KIF5C: variants seen among roughly 807,000 people sequenced by gnomAD.
The protein encoded by KIF5C is kinesin heavy chain isoform 5C.
In KIF5C, 18 loss-of-function variants were observed where a neutral mutation model predicts 125.2. The ratio of observed to expected loss-of-function variants is 0.14; its 90% confidence interval spans 0.10 to 0.21. KIF5C has a LOEUF of 0.21. KIF5C is among the 10% of genes least tolerant of loss of function. KIF5C has a pLI of 1.00. For synonymous variants in KIF5C, 405 were observed against 434.0 expected, an observed-to-expected ratio of 0.93 and a Z score of 0.83; for missense variants, 780 against 1,183.8, an observed-to-expected ratio of 0.66 and a Z score of 5.01.
At chr2:148,952,192 G>A (rs988685281) in intron 10 of KIF5C, among the ~76,000 whole-genome samples, 2 of 152,096 alleles carry the variant, frequency 1.3e-5, no homozygotes. Context: ...TCTTAAACTT[G>A]AGCTTTAACA....
intron 8 of KIF5C, among the ~76,000 whole-genome samples, chr2:148,949,339 A>G (rs1682601633): frequency 1.3e-5 from 2 of 152,186 alleles, no homozygotes. Context: ...GAGAATAAGT[A>G]GGGAAGGAAC....
intron 1 of KIF5C, among the ~76,000 whole-genome samples, chr2:148,896,885 C>T (rs1680694875): frequency 6.6e-6 from 1 of 152,036 alleles, no homozygotes; most frequent in Non-Finnish European, 1.5e-5. Flanking sequence ...GGCTGGAGTG[C>T]AGTGGTGTGA....
At position 148,998,147 on chromosome 2, in the gene KIF5C, G is replaced by C; in HGVS notation, c.2101-253G>C. On this transcript the variant is annotated intron_variant, in intron 18 of 25. Transcript: ENST00000435030. ...CTCAGGCTGGGCTGTAAAAGGTCAA[G>C]GGAACACTTTTTATTTAGTTGGTGG... 7.3e-6 allele frequency: 4 copies of C among 544,990 alleles called. No homozygotes were observed. The South Asian group carries it at 8.8e-5, about 12-fold the overall frequency. The allele number at this position is 544,990 out of a possible 1,614,324, so 33.8% of individuals were successfully genotyped here. A position where few individuals can be genotyped will look rare whatever the true frequency, so the allele number is the denominator to read the frequency against.
At chr2:148,911,621 G>A (rs1681341780) in intron 1 of KIF5C, among the ~76,000 whole-genome samples, 1 of 152,124 alleles carries the variant, frequency 6.6e-6, no homozygotes, top group Non-Finnish European at 1.5e-5. Context: ...AGTAGTTTGA[G>A]GGAGGACAAA....
chr2:148,942,133 T>G, intron 6 of KIF5C, 143 bp downstream of exon 6: 1 of 912,594 alleles, frequency 1.1e-6, no homozygotes, highest in Non-Finnish European at 1.6e-6. Context: ...ATTCATCTGG[T>G]TTTAAAAATT....
At chr2:149,021,326 C>A (rs1389076174) in intron 25 of KIF5C, among the ~76,000 whole-genome samples, 1 of 152,092 alleles carries the variant, frequency 6.6e-6, no homozygotes, top group African/African-American at 2.4e-5. Flanking sequence ...GCCTCCCAAA[C>A]CAAAGTGCTG....
chr2:149,011,775 G>GC, intron 25 of KIF5C, 92 bp downstream of exon 25: 8 of 1,531,100 alleles, frequency 5.2e-6, no homozygotes, highest in South Asian at 1.2e-5. Flanking sequence ...CTTGAGTAGA[G>GC]AGGAGTTCTG....
chr2:148,973,469 C>T lies in KIF5C; in HGVS notation c.1251C>T (p.Tyr417=), dbSNP rs373228160. 51 of 1,613,120 alleles carry T rather than the reference C, an allele frequency of 3.2e-5. No homozygotes were observed. In the African/African-American group the frequency reaches 5.6e-4, roughly 18 times the overall value. ...AGISTEEKEK[Y]DEEISSLYRQ... ...TCTCTACAGAGGAGAAAGAGAAGTA[C>T]GATGAGGAGATCTCCAGTCTCTACA... is the stretch of plus-strand genomic sequence containing the variant. Residue 417 remains tyrosine, a synonymous_variant, in exon 12 of 26, where the codon TAC becomes TAT. Transcript: ENST00000435030.
rs1321093485 is a variant in KIF5C, at chr2:148,875,598, C to A, written c.-20C>A. 2.0e-6 allele frequency: 3 copies of A among 1,516,696 alleles called. No homozygotes were observed. The Admixed American group carries it at 6.0e-5, about 30-fold the overall frequency. The allele number at this position is 1,516,696 out of a possible 1,614,324, so 94.0% of individuals were successfully genotyped here. A position where few individuals can be genotyped will look rare whatever the true frequency, so the allele number is the denominator to read the frequency against. On this transcript the variant is annotated 5_prime_UTR_variant, in exon 1 of 26. Transcript: ENST00000435030. ...CGGCCCCCCACCCATCCCCGTGCCC[C>A]CTCCCTACCGCCGGCCGAGATGGCG... is the stretch of plus-strand genomic sequence containing the variant.
chr2:148,907,858 C>T (rs1286779049), intron 1 of KIF5C, among the ~76,000 whole-genome samples: 3 of 152,194 alleles, frequency 2.0e-5, no homozygotes, highest in African/African-American at 7.2e-5. Flanking sequence ...CGGGACATAC[C>T]CGGGACAGTC....
At chr2:148,975,864 G>A (rs746515678) in intron 12 of KIF5C, among the ~76,000 whole-genome samples, 10 of 152,168 alleles carry the variant, frequency 6.6e-5, no homozygotes, top group Non-Finnish European at 1.3e-4. Context: ...AATTCAAAAG[G>A]CTGTGGTGAG....
At chr2:149,018,519 C>A (rs1173182675) in intron 25 of KIF5C, among the ~76,000 whole-genome samples, 1 of 152,146 alleles carries the variant, frequency 6.6e-6, no homozygotes, top group African/African-American at 2.4e-5. Context: ...GGCCTTAGGA[C>A]CTTTTCTCCT....
At position 148,973,241 on chromosome 2, in the gene KIF5C, A is replaced by G. The variant is rs1056576422; in HGVS notation, c.1118-95A>G. ...CAGCCCTTTATTGTGTCTTCTGTGT[A>G]TTTTTCACCAGGACTGATTATTTTT... On this transcript the variant is annotated intron_variant, in intron 11 of 25. Transcript: ENST00000435030. The G allele has an allele frequency of 1.9e-5, 28 of 1,466,560 alleles. No homozygotes were observed. The Admixed American group carries it at 7.0e-4, about 37-fold the overall frequency. 90.8% of individuals were successfully genotyped at this position (1,466,560 alleles called of 1,614,324 possible).
At chr2:148,909,515 T>C (rs1443662448) in intron 1 of KIF5C, among the ~76,000 whole-genome samples, 6 of 152,248 alleles carry the variant, frequency 3.9e-5, no homozygotes, top group Non-Finnish European at 5.9e-5. Flanking sequence ...CCAGTGTTTT[T>C]GAACAGTACT....
chr2:148,885,265 C>T (rs1396042071), intron 1 of KIF5C, among the ~76,000 whole-genome samples: 1 of 152,170 alleles, frequency 6.6e-6, no homozygotes, highest in African/African-American at 2.4e-5. Flanking sequence ...GGATTATAGG[C>T]GTGAGCCACC....
At chr2:148,948,021 C>T (rs1195105494) in intron 8 of KIF5C, 3 of 456,474 alleles carry the variant, frequency 6.6e-6, no homozygotes, top group Non-Finnish European at 1.3e-5. Flanking sequence ...AGCAGAAAGT[C>T]ATCCGGGTAT....
intron 2 of KIF5C, among the ~76,000 whole-genome samples, chr2:148,927,171 A>G (rs142638457): frequency 0.012 from 1,862 of 152,204 alleles, 42 homozygotes; most frequent in African/African-American, 0.042. Context: ...GCAGCGATGG[A>G]GTAAGAGTTA....
intron 14 of KIF5C, among the ~76,000 whole-genome samples, chr2:148,982,268 C>T (rs1278220153): frequency 6.6e-6 from 1 of 152,220 alleles, no homozygotes; most frequent in Non-Finnish European, 1.5e-5. Context: ...ATGAAAGATG[C>T]CATAGGTTCT....
At chr2:148,937,468 A>G in intron 4 of KIF5C, 80 bp downstream of exon 4, 7 of 1,478,858 alleles carry the variant, frequency 4.7e-6, no homozygotes, top group Non-Finnish European at 6.3e-6. Context: ...TCAAGAAGAT[A>G]TAAAAGATGA....
Sources: gnomAD v4.1 joint callset for allele counts (sites outside exome capture counted in the v4.1 genomes callset) on GRCh38, gnomAD v4.1.1 for gene constraint, MANE v1.5 for transcripts, NCBI Gene and HGNC (gene_info 2026-07-23, HGNC 2026-07-21) for gene names.